TNIK: variants seen among roughly 807,000 people sequenced by gnomAD.
The protein encoded by TNIK is TRAF2 and NCK interacting kinase.
TNIK carries 49 observed loss-of-function variants against 191.3 expected under a neutral mutation model. The ratio of observed to expected loss-of-function variants is 0.26; its 90% CI spans 0.20 to 0.32. The LOEUF is 0.32. TNIK is among the 10% of genes least tolerant of loss of function. The pLI is 1.00. For synonymous variants in TNIK, 594 were observed against 600.9 expected (o/e 0.99, Z 0.17); for missense variants, 1,155 against 1,702.3 (o/e 0.68, Z 5.66).
At chr3:171,319,912 C>G (rs1755005089) in intron 2 of TNIK, among the ~76,000 whole-genome samples, 1 of 152,142 alleles carries the variant, frequency 6.6e-6, no homozygotes, top group African/African-American at 2.4e-5. Flanking sequence ...CAGGAAGGGT[C>G]AGTCTCTAAA....
In TNIK at chr3:171,094,139, ATTTT is replaced by A. The variant is rs58565557; in HGVS notation, c.2592-175_2592-172del. ...GTGGTCTTAAGTACATCTCATATTA[ATTTT>A]TTTTTTTTTGAGAAGGAGTCTCGCC... On this transcript the variant is annotated intron_variant, in intron 22 of 32. Coordinates refer to ENST00000436636, the MANE Select transcript of TNIK (RefSeq NM_015028.4). Among the ~76,000 whole-genome samples, 460 of 146,248 alleles carry A rather than the reference ATTTT, an allele frequency of 3.1e-3. 1 individual carries two copies. Among genetic ancestry groups the A allele is most frequent in the African/African-American group, 0.011 (450 of 40,188 alleles).
intron 2 of TNIK, among the ~76,000 whole-genome samples, chr3:171,269,119 A>G (rs1748767293): frequency 1.3e-5 from 2 of 152,264 alleles, no homozygotes; most frequent in African/African-American, 4.8e-5. Context: ...TTTGTAATTA[A>G]AAGTACAAAA....
intron 1 of TNIK, among the ~76,000 whole-genome samples, chr3:171,443,478 CG>C (rs1252459724): frequency 6.6e-6 from 1 of 152,094 alleles, no homozygotes; most frequent in Non-Finnish European, 1.5e-5. Context: ...TAGTTCCAGA[CG>C]GAAGTTTTCA....
intron 2 of TNIK, among the ~76,000 whole-genome samples, chr3:171,340,211 A>G (rs77152696): frequency 0.015 from 2,275 of 152,332 alleles, 70 homozygotes; most frequent in African/African-American, 0.053. Context: ...AAGGCCAGCA[A>G]TAGTCTCTAG....
intron 26 of TNIK, 181 bp from the exon 27 acceptor site, chr3:171,082,575 A>C: frequency 1.4e-6 from 1 of 716,718 alleles, no homozygotes; most frequent in Non-Finnish European, 2.1e-6. Context: ...TACTTCTGGT[A>C]ATGAAATTAC....
chr3:171,117,407 A>G (rs1275480955), intron 18 of TNIK, among the ~76,000 whole-genome samples: 3 of 151,998 alleles, frequency 2.0e-5, no homozygotes, highest in Non-Finnish European at 4.4e-5. Flanking sequence ...GTCACCTTGG[A>G]CACATGTTAA....
intron 2 of TNIK, among the ~76,000 whole-genome samples, chr3:171,256,765 CT>C (rs1746932613): frequency 6.6e-6 from 1 of 152,094 alleles, no homozygotes; most frequent in Non-Finnish European, 1.5e-5. Context: ...TTCTTTTTGA[CT>C]GCAGTAGGGT....
At chr3:171,184,639 A>C (rs558199440) in intron 7 of TNIK, among the ~76,000 whole-genome samples, 1 of 152,326 alleles carries the variant, frequency 6.6e-6, no homozygotes, top group South Asian at 2.1e-4. Context: ...GACTTGTTTG[A>C]GAGTGTAAAT....
At chr3:171,290,500 G>T (rs1471069018) in intron 2 of TNIK, among the ~76,000 whole-genome samples, 1 of 152,198 alleles carries the variant, frequency 6.6e-6, no homozygotes, top group Non-Finnish European at 1.5e-5. Flanking sequence ...CAATAGATAT[G>T]TGAGAAATGG....
chr3:171,185,095 A>T (rs1166708182), intron 7 of TNIK, among the ~76,000 whole-genome samples: 1 of 152,122 alleles, frequency 6.6e-6, no homozygotes, highest in African/African-American at 2.4e-5. Context: ...AGATATAGAA[A>T]ATAAAAATTG....
chr3:171,453,366 G>A (rs1322202027), intron 1 of TNIK, among the ~76,000 whole-genome samples: 1 of 152,126 alleles, frequency 6.6e-6, no homozygotes, highest in Non-Finnish European at 1.5e-5. Flanking sequence ...GGTGGTCTGC[G>A]AATGTTCAGC....
chr3:171,319,900 T>C (rs1755003843), intron 2 of TNIK, among the ~76,000 whole-genome samples: 1 of 152,138 alleles, frequency 6.6e-6, no homozygotes, highest in African/African-American at 2.4e-5. Context: ...AGTACCTCCT[T>C]ACAGGAAGGG....
chr3:171,101,468 T>C lies in TNIK; in HGVS notation c.2572A>G (p.Ser858Gly). The change falls in exon 22 of 33, where the codon AGC becomes GGC. Residue 858 changes from serine (S) to glycine (G), a missense_variant. Ser to Gly is a moderately conservative substitution (Grantham distance 56, BLOSUM62 0). Transcript: ENST00000436636. ...TCTTACATCAGTCTGGGTATGTCGC[T>C]GACAGCCACTGTCCCATCATGGGTC... ...SETHDGTVAV[S>G]DIPRLIPTGA... The C allele has an allele frequency of 6.2e-7, 1 of 1,612,130 alleles. No individual in the cohort carries two copies. Among genetic ancestry groups the C allele is most frequent in the Non-Finnish European group, 8.5e-7 (1 of 1,179,164 alleles).
chr3:171,311,356 A>C (rs1753997428), intron 2 of TNIK, among the ~76,000 whole-genome samples: 1 of 152,196 alleles, frequency 6.6e-6, no homozygotes, highest in South Asian at 2.1e-4. Context: ...AACAGCTGGG[A>C]AATGCAGAAG....
At position 171,285,616 on chromosome 3, in the gene TNIK, G is replaced by C. The variant is rs149926411; in HGVS notation, c.124-57395C>G. 2.4e-3 allele frequency among the ~76,000 whole-genome samples: 363 copies of C among 152,246 alleles called. 1 individual carries two copies. The highest frequency in any genetic ancestry group is 7.7e-3 in the African/African-American group (321 of 41,524). ...CTGTAAGATGATAAACACCAAATCAGTATTATTATTATTAAGAGGCACCCA... is the reference window on the plus strand; with the variant it reads ...CTGTAAGATGATAAACACCAAATCACTATTATTATTATTAAGAGGCACCCA... On this transcript the variant is annotated intron_variant, in intron 2 of 32. Coordinates refer to ENST00000436636, the MANE Select transcript of TNIK (RefSeq NM_015028.4).
At chr3:171,435,645 C>T (rs1491666) in intron 1 of TNIK, among the ~76,000 whole-genome samples, 119,621 of 152,138 alleles carry the variant, frequency 0.79, 47,349 homozygotes, top group African/African-American at 0.89. Flanking sequence ...TTGAAATGAT[C>T]CCATAATTAA....
chr3:171,225,586 G>A (rs1275149063), intron 3 of TNIK: 2 of 456,566 alleles, frequency 4.4e-6, no homozygotes, highest in East Asian at 1.4e-4. Context: ...ATCATCTTCT[G>A]TAGAGCTTAG....
chr3:171,441,332 A>T (rs1265122842), intron 1 of TNIK, among the ~76,000 whole-genome samples: 1 of 152,188 alleles, frequency 6.6e-6, no homozygotes, highest in Non-Finnish European at 1.5e-5. Context: ...TCTCCACCCT[A>T]GCCAACCAGT....
At chr3:171,350,767 GGT>G (rs1236249779) in intron 2 of TNIK, among the ~76,000 whole-genome samples, 3 of 151,944 alleles carry the variant, frequency 2.0e-5, no homozygotes, top group Non-Finnish European at 4.4e-5. Flanking sequence ...TTATGAGCTA[GGT>G]ACTATTATTC....
Sources: gnomAD v4.1 joint callset for allele counts (sites outside exome capture counted in the v4.1 genomes callset) on GRCh38, gnomAD v4.1.1 for gene constraint, MANE v1.5 for transcripts, NCBI Gene and HGNC (gene_info 2026-07-23, HGNC 2026-07-21) for gene names.